SEMA6A: variants seen among roughly 807,000 people sequenced by gnomAD.
SEMA6A encodes semaphorin 6A.
SEMA6A carries 25 observed loss-of-function variants against 96.8 expected under a neutral mutation model. The ratio of observed to expected loss-of-function variants is 0.26; its 90% CI spans 0.19 to 0.36. SEMA6A has a LOEUF of 0.36. Among genes scored for constraint, SEMA6A ranks in the 10% least tolerant of loss-of-function variants. The probability of loss-of-function intolerance (pLI) is 1.00; values close to 1 mark genes in which losing one functional copy is unlikely to be tolerated. For missense variants in SEMA6A, 1,363 were observed against 1,323.1 expected, an observed-to-expected ratio of 1.03 and a Z score of -0.47; for synonymous variants, 612 against 518.0, an observed-to-expected ratio of 1.18 and a Z score of -2.46.
intron 13 of SEMA6A, 96 bp downstream of exon 13, chr5:116,478,446 G>T: frequency 7.9e-7 from 1 of 1,271,272 alleles, no homozygotes; most frequent in Non-Finnish European, 1.1e-6. Context: ...ATCTAAAAAT[G>T]CATAAAACCT....
rs763926160 is a variant in SEMA6A, at chr5:116,467,665, C to A, written c.1812G>T (p.Leu604=). The A allele has an allele frequency of 2.5e-6, 4 of 1,613,726 alleles. No homozygotes were observed. Among genetic ancestry groups the A allele is most frequent in the Non-Finnish European group, 2.5e-6 (3 of 1,179,824 alleles). ...QEGYESRGGM[L]DWKHLLDSPD... ...GTGAGTCAAGCAGATGCTTCCAGTC[C>A]AGCATTCCTCCCCTAGACTCATACC... Residue 604 remains leucine, a synonymous_variant, in exon 18 of 19, where the codon CTG becomes CTT. Coordinates refer to ENST00000343348, the MANE Select transcript of SEMA6A (RefSeq NM_020796.5).
rs113289849 is a variant in SEMA6A at position 116,514,913 on chromosome 5, C to T, written c.-38-9931G>A. Among the ~76,000 whole-genome samples, 836 of 152,294 alleles carry T rather than the reference C, an allele frequency of 5.5e-3. 14 individuals carry two copies. The highest frequency in any genetic ancestry group is 0.019 in the African/African-American group (796 of 41,560). ...GCCCCATAGCTTTTGCTCATTATTC[C>T]AAAATAGAACACATACACAAATTAA... On this transcript the variant is annotated intron_variant, in intron 1 of 18. Transcript: ENST00000343348.
chr5:116,524,515 C>G (rs993826441), intron 1 of SEMA6A, among the ~76,000 whole-genome samples: 2 of 152,058 alleles, frequency 1.3e-5, no homozygotes, highest in Non-Finnish European at 2.9e-5. Flanking sequence ...TTTGTATTGT[C>G]TTCTTTTCCT....
chr5:116,462,580 G>C (rs1755479697), intron 18 of SEMA6A, among the ~76,000 whole-genome samples: 1 of 152,134 alleles, frequency 6.6e-6, no homozygotes, highest in Non-Finnish European at 1.5e-5. Context: ...TCTATTTCAT[G>C]AAACTTTCCA....
chr5:116,564,121 G>C (rs957522783), intron 1 of SEMA6A, among the ~76,000 whole-genome samples: 4 of 152,184 alleles, frequency 2.6e-5, no homozygotes, highest in Non-Finnish European at 4.4e-5. Flanking sequence ...TAATGTGGTT[G>C]GGTAACGGAT....
chr5:116,489,182 T>G (rs1238900081), intron 7 of SEMA6A, among the ~76,000 whole-genome samples, 175 bp from the exon 8 acceptor site: 1 of 152,146 alleles, frequency 6.6e-6, no homozygotes, highest in Non-Finnish European at 1.5e-5. Flanking sequence ...CCATTTTAAA[T>G]TGGGATCATG....
intron 1 of SEMA6A, among the ~76,000 whole-genome samples, chr5:116,557,662 C>CAT (rs35430939): frequency 4.2e-4 from 7 of 16,484 alleles, no homozygotes; most frequent in Non-Finnish European, 2.1e-3. Context: ...GGCTTCAATT[C>CAT]AGTCATTGGT....
chr5:116,572,266 T>G (rs1247317961), intron 1 of SEMA6A, among the ~76,000 whole-genome samples: 1 of 152,152 alleles, frequency 6.6e-6, no homozygotes, highest in African/African-American at 2.4e-5. Flanking sequence ...TTTTAAACCT[T>G]TCACAGATCG....
At chr5:116,455,717 A>G (rs774454927) in intron 18 of SEMA6A, among the ~76,000 whole-genome samples, 4 of 152,234 alleles carry the variant, frequency 2.6e-5, no homozygotes, top group Non-Finnish European at 5.9e-5. Context: ...TAAATCTTCC[A>G]ACTTGAATTT....
At chr5:116,484,217 A>T (rs1756929849) in intron 10 of SEMA6A, among the ~76,000 whole-genome samples, 1 of 152,184 alleles carries the variant, frequency 6.6e-6, no homozygotes, top group Non-Finnish European at 1.5e-5. Context: ...ATATATTAAG[A>T]AAAATAGGAT....
At chr5:116,466,113 G>T (rs912913120) in intron 18 of SEMA6A, among the ~76,000 whole-genome samples, 1 of 147,666 alleles carries the variant, frequency 6.8e-6, no homozygotes. Context: ...GCTCAAGCCT[G>T]TAATCCCAGC....
At chr5:116,473,231 G>A (rs763539930) in intron 16 of SEMA6A, 138 bp from the exon 17 acceptor site, 1 of 781,412 alleles carries the variant, frequency 1.3e-6, no homozygotes, top group Non-Finnish European at 2.1e-6. Flanking sequence ...TTTAATTTCT[G>A]CGTGTAATGT....
At position 116,447,024 on chromosome 5, in the gene SEMA6A, G is replaced by T; in HGVS notation, c.2682C>A (p.Ser894=). 6.2e-7 allele frequency: 1 copy of T among 1,613,914 alleles called. No homozygotes were observed. The change falls in exon 19 of 19, where the codon TCC becomes TCA. Residue 894 remains serine, a synonymous_variant. Coordinates refer to ENST00000343348, the MANE Select transcript of SEMA6A (RefSeq NM_020796.5). ...REASLGPPGA[S]LSQTGLSKRL... Reference sequence around the variant, plus strand: ...GCTTGCTTAGACCGGTCTGAGACAGGGAGGCTCCCGGGGGACCCAGGGAGG... The same window carrying T: ...GCTTGCTTAGACCGGTCTGAGACAGTGAGGCTCCCGGGGGACCCAGGGAGG...
intron 4 of SEMA6A, 144 bp downstream of exon 4, chr5:116,497,183 C>G (rs1757644437): frequency 1.8e-6 from 1 of 567,958 alleles, no homozygotes; most frequent in Non-Finnish European, 3.2e-6. Context: ...CTAACCTATT[C>G]CCTAATTAGG....
At chr5:116,525,017 G>T (rs1759157679) in intron 1 of SEMA6A, among the ~76,000 whole-genome samples, 1 of 152,084 alleles carries the variant, frequency 6.6e-6, no homozygotes, top group Non-Finnish European at 1.5e-5. Context: ...CTGCCCATTT[G>T]CCTATCTAGA....
chr5:116,522,636 A>G (rs1032769618), intron 1 of SEMA6A, among the ~76,000 whole-genome samples: 23 of 152,370 alleles, frequency 1.5e-4, no homozygotes, highest in African/African-American at 5.3e-4. Context: ...GCAGTCTAAC[A>G]CAAAGAATCA....
At chr5:116,462,486 G>A (rs2112630125) in intron 18 of SEMA6A, among the ~76,000 whole-genome samples, 1 of 152,304 alleles carries the variant, frequency 6.6e-6, no homozygotes, top group Non-Finnish European at 1.5e-5. Flanking sequence ...GCTTGCTGCT[G>A]GTGTGGAGAA....
intron 1 of SEMA6A, among the ~76,000 whole-genome samples, chr5:116,563,914 A>AGGG (rs1253745612): frequency 6.6e-6 from 1 of 152,198 alleles, no homozygotes; most frequent in African/African-American, 2.4e-5. Context: ...GAGATATCTG[A>AGGG]GGGGAGGTGG....
Position 116,446,999 on chromosome 5 carries a change from G to T in SEMA6A, c.2707C>A (p.Arg903=). The T allele has an allele frequency of 6.2e-7, 1 of 1,613,880 alleles. No individual in the cohort carries two copies. Among genetic ancestry groups the T allele is most frequent in the Non-Finnish European group, 8.5e-7 (1 of 1,179,878 alleles). ...ASLSQTGLSK[R]LEMHHSSSYG... ...GAAGAGGAGTGGTGCATTTCCAGCC[G>T]CTTGCTTAGACCGGTCTGAGACAGG... Residue 903 remains arginine (R), a synonymous_variant, in exon 19 of 19, where the codon CGG becomes AGG. Coordinates refer to ENST00000343348, the MANE Select transcript of SEMA6A (RefSeq NM_020796.5).
Sources: allele counts gnomAD v4.1 joint callset (sites outside exome capture counted in the v4.1 genomes callset), GRCh38; gene constraint gnomAD v4.1.1; transcripts MANE v1.5; gene names NCBI Gene and HGNC (gene_info 2026-07-23, HGNC 2026-07-21).